The following KLF8 variants were observed in gnomAD, a reference collection of about 807,000 sequenced individuals.
KLF8 encodes the protein Krueppel-like factor 8.
Under a neutral mutation model 18.2 loss-of-function variants are expected in KLF8, and 10 were observed. That is an observed-to-expected ratio of 0.55 (90% CI 0.34 to 0.93). The LOEUF is 0.93. KLF8 is among the 40% of genes least tolerant of loss of function. KLF8 has a pLI of 0.02. For missense variants in KLF8, 264 were observed against 277.9 expected (o/e 0.95, Z 0.36); for synonymous variants, 109 against 97.3 (o/e 1.12, Z -0.71).
chrX:56,281,775 A>G (rs190623785), intron 5 of KLF8, among the ~76,000 whole-genome samples: 2 of 112,712 alleles, frequency 1.8e-5, no homozygotes, highest in East Asian at 5.6e-4. Context: ...CTTTCTCTGC[A>G]TATATACTTT....
chrX:55,996,088 C>G, the KLF8 span, among the ~76,000 whole-genome samples: 1 of 111,048 alleles, frequency 9.0e-6, no homozygotes, highest in Non-Finnish European at 1.9e-5. Context: ...TTATTTTTGT[C>G]TTATTGAGTT....
the KLF8 span, among the ~76,000 whole-genome samples, chrX:55,919,220 C>G: frequency 8.9e-6 from 1 of 111,911 alleles, no homozygotes; most frequent in Admixed American, 9.4e-5. Flanking sequence ...TCCCAAAATA[C>G]AATGGAGTTT....
At chrX:56,052,929 C>T in the KLF8 span, among the ~76,000 whole-genome samples, 3 of 111,489 alleles carry the variant, frequency 2.7e-5, no homozygotes, top group East Asian at 2.8e-4. Context: ...ACTCCGTGGG[C>T]GTAGGACCCT....
chrX:56,265,241 C>T lies in KLF8; in HGVS notation c.143C>T (p.Ser48Phe), dbSNP rs758061219. 8.3e-7 allele frequency: 1 copy of T among 1,209,344 alleles called. No homozygotes were observed. The highest frequency in any genetic ancestry group is 3.0e-5 in the East Asian group (1 of 33,797). Residue 48 changes from serine (S) to phenylalanine (F), a missense_variant, in exon 3 of 6, where the codon TCT (serine) becomes TTT (phenylalanine). By Grantham distance (155) the Ser-to-Phe change is radical. Coordinates refer to ENST00000468660, the MANE Select transcript of KLF8 (RefSeq NM_007250.5). Reference protein sequence around the residue: ...PEIEYRSNMTSPTLLDANPME... With the variant: ...PEIEYRSNMTFPTLLDANPME... ...ATAGAATACAGAAGTAATATGACTT[C>T]TCCAACACTCCTGGATGCCAACCCC...
At chrX:56,142,057 T>C in the KLF8 span, among the ~76,000 whole-genome samples, 39 of 112,229 alleles carry the variant, frequency 3.5e-4, 1 homozygote, top group East Asian at 2.0e-3. Flanking sequence ...AGCAAATTTT[T>C]ATTTATCTAT....
the KLF8 span, among the ~76,000 whole-genome samples, chrX:56,088,356 A>C: frequency 9.1e-6 from 1 of 110,361 alleles, no homozygotes; most frequent in African/African-American, 3.4e-5. Flanking sequence ...AGGTGTGAAA[A>C]ACATCTAAAT....
At chrX:56,166,351 G>C in the KLF8 span, among the ~76,000 whole-genome samples, 7 of 111,852 alleles carry the variant, frequency 6.3e-5, no homozygotes, top group African/African-American at 2.3e-4. Context: ...TCACTTTGCT[G>C]CTGCCTTGAT....
chrX:55,949,151 C>T, the KLF8 span, among the ~76,000 whole-genome samples: 2 of 111,844 alleles, frequency 1.8e-5, no homozygotes, highest in African/African-American at 6.5e-5. Flanking sequence ...CTTAAGCAAA[C>T]ATTATGGTTT....
At chrX:56,154,995 A>G in the KLF8 span, among the ~76,000 whole-genome samples, 1 of 112,230 alleles carries the variant, frequency 8.9e-6, no homozygotes, top group Non-Finnish European at 1.9e-5. Context: ...GAACACTTTT[A>G]CACTGTTGGT....
the KLF8 span, among the ~76,000 whole-genome samples, chrX:56,120,785 G>A: frequency 1.8e-5 from 2 of 111,366 alleles, no homozygotes; most frequent in African/African-American, 6.5e-5. Context: ...GGTTTTAGAG[G>A]GCATGTTTCC....
the KLF8 span, among the ~76,000 whole-genome samples, chrX:56,088,482 G>C: frequency 9.0e-6 from 1 of 111,621 alleles, no homozygotes; most frequent in African/African-American, 3.3e-5. Context: ...ATTAAGGATA[G>C]TAAGGATATA....
At chrX:56,021,811 A>G in the KLF8 span, among the ~76,000 whole-genome samples, 8 of 110,634 alleles carry the variant, frequency 7.2e-5, no homozygotes, top group Non-Finnish European at 1.5e-4. Flanking sequence ...GTATCTAAAT[A>G]TATGTTTACC....
chrX:56,166,049 C>T, the KLF8 span, among the ~76,000 whole-genome samples: 1 of 110,393 alleles, frequency 9.1e-6, no homozygotes, highest in African/African-American at 3.3e-5. Context: ...CACAATTTGC[C>T]TCCCAGTTGC....
At chrX:55,941,010 G>A in the KLF8 span, among the ~76,000 whole-genome samples, 3 of 111,432 alleles carry the variant, frequency 2.7e-5, no homozygotes, top group Non-Finnish European at 5.7e-5. Context: ...TCTTCACAGA[G>A]TTGGAAAAAA....
the KLF8 span, among the ~76,000 whole-genome samples, chrX:56,053,383 G>T: frequency 4.5e-5 from 5 of 111,426 alleles, no homozygotes; most frequent in Admixed American, 4.8e-4. Flanking sequence ...TGGTGGATAA[G>T]TTTTTTAATA....
chrX:55,923,687 A>G, the KLF8 span, among the ~76,000 whole-genome samples: 3 of 107,847 alleles, frequency 2.8e-5, no homozygotes, highest in African/African-American at 1.1e-4. Context: ...AATTTAACCC[A>G]TAACACTTAA....
At chrX:56,209,599 A>T in the KLF8 span, among the ~76,000 whole-genome samples, 2 of 112,096 alleles carry the variant, frequency 1.8e-5, no homozygotes, top group South Asian at 7.5e-4. Context: ...AGCCTGGGTG[A>T]CAGAGGGAGA....
chrX:55,951,355 C>T, the KLF8 span, among the ~76,000 whole-genome samples: 2 of 107,858 alleles, frequency 1.9e-5, no homozygotes, highest in African/African-American at 6.8e-5. Flanking sequence ...GGGCGCCTGT[C>T]ATCCCAGCTA....
the KLF8 span, among the ~76,000 whole-genome samples, chrX:56,146,148 G>A: frequency 8.9e-6 from 1 of 112,106 alleles, no homozygotes; most frequent in Non-Finnish European, 1.9e-5. Context: ...TTGGAAGACA[G>A]TGTGGCAATT....
Sources: allele counts gnomAD v4.1 joint callset (sites outside exome capture counted in the v4.1 genomes callset), GRCh38; gene constraint gnomAD v4.1.1; transcripts MANE v1.5; gene names NCBI Gene and HGNC (gene_info 2026-07-23, HGNC 2026-07-21).